The following WBP4 variants were observed in gnomAD, a reference collection of about 807,000 sequenced individuals.
The protein encoded by WBP4 is WW domain-binding protein 4.
Under a neutral mutation model 55.4 loss-of-function variants are expected in WBP4, and 37 were observed. The observed-to-expected ratio is 0.67, with a 90% CI of 0.51 to 0.88. The LOEUF (loss-of-function observed/expected upper bound fraction) is 0.88. Ranked by LOEUF, WBP4 falls within the 40% of genes least tolerant of loss-of-function variation. The probability of loss-of-function intolerance (pLI) is 0.00; values close to 1 mark genes in which losing one functional copy is unlikely to be tolerated. For missense variants in WBP4, 398 were observed against 420.8 expected, an observed-to-expected ratio of 0.95 and a Z score of 0.47; for synonymous variants, 142 against 140.2, an observed-to-expected ratio of 1.01 and a Z score of -0.09.
At chr13:41,072,718 T>A in intron 6 of WBP4, 64 bp from the exon 7 acceptor site, 1 of 1,474,336 alleles carries the variant, frequency 6.8e-7, no homozygotes, top group Non-Finnish European at 9.4e-7. Context: ...GCTGACTGTC[T>A]GAGTTATTCA....
intron 1 of WBP4, 69 bp from the exon 2 acceptor site, chr13:41,062,575 G>C: frequency 2.8e-6 from 4 of 1,438,312 alleles, no homozygotes; most frequent in Non-Finnish European, 3.9e-6. Context: ...TTTAAAAACT[G>C]TAAAGCATGC....
At chr13:41,078,515 A>C (rs553393492) in intron 8 of WBP4, among the ~76,000 whole-genome samples, 1 of 152,318 alleles carries the variant, frequency 6.6e-6, no homozygotes, top group Non-Finnish European at 1.5e-5. Context: ...TAAATGTTTA[A>C]AGATCTGAAA....
chr13:41,079,609 T>TCAA (rs1304966229), intron 8 of WBP4, among the ~76,000 whole-genome samples: 1 of 151,446 alleles, frequency 6.6e-6, no homozygotes, highest in Non-Finnish European at 1.5e-5. Context: ...AGGGAAACAC[T>TCAA]TATACACTTA....
intron 4 of WBP4, 56 bp downstream of exon 4, chr13:41,065,343 GT>G: frequency 6.6e-7 from 1 of 1,509,538 alleles, no homozygotes; most frequent in Non-Finnish European, 8.8e-7. Context: ...AACATCAGAG[GT>G]CAAGCTAAGT....
rs751110796 is a variant in WBP4, at chr13:41,076,051, A to G, written c.570A>G (p.Arg190=). The G allele has an allele frequency of 1.2e-6, 2 of 1,611,974 alleles. No homozygotes were observed. The highest frequency in any genetic ancestry group is 1.1e-5 in the South Asian group (1 of 90,446). Residue 190 remains arginine (R), a synonymous_variant, in exon 8 of 10, where the codon AGA becomes AGG. Transcript: ENST00000379487. ...YYYNTETGES[R]WEKPDDFIPH... Reference sequence around the variant, plus strand: ...TTAAAATGTGTTGAGCAGAATCCAGATGGGAGAAACCTGATGATTTCATTC... The same window carrying G: ...TTAAAATGTGTTGAGCAGAATCCAGGTGGGAGAAACCTGATGATTTCATTC...
intron 5 of WBP4, 79 bp from the exon 6 acceptor site, chr13:41,071,448 G>A (rs575922654): frequency 4.0e-6 from 5 of 1,247,960 alleles, no homozygotes; most frequent in Admixed American, 4.2e-5. Flanking sequence ...CATAATGACT[G>A]TAAATTTTGT....
intron 6 of WBP4, among the ~76,000 whole-genome samples, chr13:41,072,130 C>T (rs1421577998): frequency 2.0e-5 from 3 of 151,718 alleles, no homozygotes; most frequent in African/African-American, 7.3e-5. Context: ...CGTCAGTTGC[C>T]ATTCACATGT....
chr13:41,075,934 A>G, intron 7 of WBP4, 110 bp from the exon 8 acceptor site: 2 of 1,149,218 alleles, frequency 1.7e-6, no homozygotes, highest in Non-Finnish European at 2.5e-6. Context: ...GATAGTATGA[A>G]ATACATACAG....
rs878861216 is a variant in WBP4, at chr13:41,062,806, T to G, written c.75+90T>G. 30 of 1,117,322 alleles carry G rather than the reference T, an allele frequency of 2.7e-5. No homozygotes were observed. The South Asian group carries it at 3.7e-4, about 14-fold the overall frequency. 69.2% of individuals were successfully genotyped at this position (1,117,322 alleles called of 1,614,324 possible). A position where few individuals can be genotyped will look rare whatever the true frequency, so the allele number is the denominator to read the frequency against. ...TGTAAACTCAGTTTACAAAGCACTT[T>G]TATGTACATTGCTCTTGCATTTTCA... On this transcript the variant is annotated intron_variant, in intron 2 of 9. Transcript: ENST00000379487.
chr13:41,061,728 C>T, intron 1 of WBP4, 53 bp downstream of exon 1: 3 of 1,611,876 alleles, frequency 1.9e-6, no homozygotes, highest in Non-Finnish European at 1.7e-6. Context: ...CTGGGCCGCC[C>T]TTTCTCGCCC....
intron 8 of WBP4, among the ~76,000 whole-genome samples, chr13:41,079,980 A>G (rs1216184662): frequency 6.9e-6 from 1 of 144,160 alleles, no homozygotes; most frequent in Non-Finnish European, 1.5e-5. Flanking sequence ...CAAATACTAC[A>G]TGTTCTCACT....
chr13:41,064,938 A>G, intron 2 of WBP4, 78 bp from the exon 3 acceptor site: 1 of 1,286,656 alleles, frequency 7.8e-7, no homozygotes, highest in Non-Finnish European at 1.1e-6. Flanking sequence ...TCTCATGTTT[A>G]TGAGAAAATT....
rs958597493 is a variant in WBP4 at position 41,082,981 on chromosome 13, G to A, written c.*67G>A. The A allele has an allele frequency of 7.0e-6, 10 of 1,422,350 alleles. No individual in the cohort carries two copies. The highest frequency in any genetic ancestry group is 6.1e-5 in the Admixed American group (3 of 49,444). The allele number at this position is 1,422,350 out of a possible 1,614,324, so 88.1% of individuals were successfully genotyped here. A position where few individuals can be genotyped will look rare whatever the true frequency, so the allele number is the denominator to read the frequency against. On this transcript the variant is annotated 3_prime_UTR_variant, in exon 10 of 10. Coordinates refer to ENST00000379487, the MANE Select transcript of WBP4 (RefSeq NM_007187.5). ...AGACTTATACACCCAAAGTTTATCT[G>A]TGTTTGTTTGTAAGTATTATGATGC...
At chr13:41,063,843 T>G (rs912400960) in intron 2 of WBP4, among the ~76,000 whole-genome samples, 4 of 152,202 alleles carry the variant, frequency 2.6e-5, no homozygotes, top group Non-Finnish European at 5.9e-5. Context: ...AAGTCACACT[T>G]TAAAGATGAA....
At chr13:41,069,165 T>G (rs779649762) in intron 5 of WBP4, among the ~76,000 whole-genome samples, 4 of 152,200 alleles carry the variant, frequency 2.6e-5, no homozygotes, top group Non-Finnish European at 4.4e-5. Context: ...CTGCCTTGAT[T>G]GATTTGATAT....
intron 4 of WBP4, among the ~76,000 whole-genome samples, chr13:41,067,409 C>T (rs1405301211): frequency 3.3e-5 from 5 of 152,128 alleles, no homozygotes; most frequent in African/African-American, 4.8e-5. Flanking sequence ...GGCCAGGTGC[C>T]GTGGCTCATG....
intron 8 of WBP4, among the ~76,000 whole-genome samples, chr13:41,080,032 A>G (rs185362638): frequency 2.7e-5 from 4 of 147,696 alleles, no homozygotes; most frequent in Admixed American, 2.7e-4. Context: ...GGACATACAG[A>G]ATGGACTAAT....
chr13:41,079,892 A>G (rs572290764), intron 8 of WBP4, among the ~76,000 whole-genome samples: 1 of 152,344 alleles, frequency 6.6e-6, no homozygotes, highest in South Asian at 2.1e-4. Flanking sequence ...CTACTCAGCC[A>G]TAAAAAATGA....
chr13:41,083,037 G>T lies in WBP4; in HGVS notation c.*123G>T. 1 of 931,972 alleles carries T rather than the reference G, an allele frequency of 1.1e-6. No homozygotes were observed. Among genetic ancestry groups the T allele is most frequent in the Non-Finnish European group, 1.6e-6 (1 of 637,698 alleles). The allele number at this position is 931,972 out of a possible 1,614,324, so 57.7% of individuals were successfully genotyped here. A position where few individuals can be genotyped will look rare whatever the true frequency, so the allele number is the denominator to read the frequency against. On this transcript the variant is annotated 3_prime_UTR_variant, in exon 10 of 10. Coordinates refer to ENST00000379487, the MANE Select transcript of WBP4 (RefSeq NM_007187.5). ...ATTTAGATTTATTCTAAATGTATTTGATGTGAATTAAAATAAATATTTTTT... is the reference window on the plus strand; with the variant it reads ...ATTTAGATTTATTCTAAATGTATTTTATGTGAATTAAAATAAATATTTTTT...
Sources: gnomAD v4.1 joint callset for allele counts (sites outside exome capture counted in the v4.1 genomes callset) on GRCh38, gnomAD v4.1.1 for gene constraint, MANE v1.5 for transcripts, NCBI Gene and HGNC (gene_info 2026-07-23, HGNC 2026-07-21) for gene names.